The following CPXM2 variants were observed in gnomAD, a reference collection of about 807,000 sequenced individuals.
The protein encoded by CPXM2 is carboxypeptidase X, M14 family member 2.
A neutral mutation model predicts 86.1 loss-of-function variants in CPXM2; 66 were observed. The observed-to-expected ratio is 0.77, with a 90% confidence interval of 0.63 to 0.94. The LOEUF (loss-of-function observed/expected upper bound fraction) is 0.94, where lower values mean the gene tolerates loss of function less well. CPXM2 is among the 40% of genes least tolerant of loss of function. CPXM2 has a pLI of 0.00. For missense variants in CPXM2, 948 were observed against 1,026.3 expected, an observed-to-expected ratio of 0.92 and a Z score of 1.04; for synonymous variants, 388 against 400.2, an observed-to-expected ratio of 0.97 and a Z score of 0.36.
intron 3 of CPXM2, among the ~76,000 whole-genome samples, chr10:123,855,093 G>A (rs1848691451): frequency 6.6e-6 from 1 of 151,254 alleles, no homozygotes; most frequent in Non-Finnish European, 1.5e-5. Context: ...ATTTCTCCAA[G>A]GGAGTCACAA....
intron 2 of CPXM2, among the ~76,000 whole-genome samples, chr10:123,864,366 C>T (rs891224859): frequency 1.3e-5 from 2 of 152,200 alleles, no homozygotes; most frequent in African/African-American, 4.8e-5. Flanking sequence ...ACTCTGCCAG[C>T]TGTGGTTTCA....
intron 2 of CPXM2, among the ~76,000 whole-genome samples, chr10:123,867,852 A>C (rs1030008693): frequency 6.6e-6 from 1 of 152,154 alleles, no homozygotes; most frequent in Admixed American, 6.6e-5. Context: ...GATTTTTGAC[A>C]GGTCTACTCA....
chr10:123,824,600 G>A (rs1276720005), intron 4 of CPXM2, among the ~76,000 whole-genome samples: 2 of 152,188 alleles, frequency 1.3e-5, no homozygotes, highest in African/African-American at 4.8e-5. Flanking sequence ...GAGATTTGCT[G>A]CAGTCAACCT....
chr10:123,771,291 C>A (rs939369922), intron 7 of CPXM2, among the ~76,000 whole-genome samples: 2 of 152,134 alleles, frequency 1.3e-5, no homozygotes, highest in South Asian at 4.1e-4. Context: ...TGGCCATTGC[C>A]CCCACCCGGT....
Position 123,746,383 on chromosome 10 carries a change from G to A in CPXM2, c.*381C>T. The A allele has an allele frequency of 4.4e-6, 1 of 227,784 alleles. No individual in the cohort carries two copies. The highest frequency in any genetic ancestry group is 8.6e-6 in the Non-Finnish European group (1 of 116,478). The allele number at this position is 227,784 out of a possible 1,614,324, so 14.1% of individuals were successfully genotyped here. A position where few individuals can be genotyped will look rare whatever the true frequency, so the allele number is the denominator to read the frequency against. On this transcript the variant is annotated 3_prime_UTR_variant, in exon 14 of 14. Coordinates refer to ENST00000241305, the MANE Select transcript of CPXM2 (RefSeq NM_198148.3). ...TGCTGCAATTTTAGCTGTGCAAATT[G>A]CAAATGCACGTGGAACCCTTGCTGC...
chr10:123,804,094 C>T (rs891896637), intron 4 of CPXM2, among the ~76,000 whole-genome samples: 1 of 152,136 alleles, frequency 6.6e-6, no homozygotes, highest in Non-Finnish European at 1.5e-5. Flanking sequence ...TCTGGATGCT[C>T]TATTCTGTTC....
intron 3 of CPXM2, among the ~76,000 whole-genome samples, chr10:123,858,423 G>A (rs1848788734): frequency 6.6e-6 from 1 of 152,244 alleles, no homozygotes; most frequent in Admixed American, 6.5e-5. Context: ...TGTCAGAAAA[G>A]AGAGATGTAC....
chr10:123,918,697 T>A (rs1490287827), intron 2 of CPXM2, among the ~76,000 whole-genome samples: 1 of 152,124 alleles, frequency 6.6e-6, no homozygotes, highest in Non-Finnish European at 1.5e-5. Context: ...TCCAGCCCTG[T>A]CCCAAGGCAA....
intron 8 of CPXM2, 110 bp from the exon 9 acceptor site, chr10:123,768,832 T>C: frequency 2.2e-6 from 2 of 900,144 alleles, no homozygotes; most frequent in Non-Finnish European, 3.3e-6. Flanking sequence ...AAGCTTACCG[T>C]TTTAGACCTA....
intron 4 of CPXM2, among the ~76,000 whole-genome samples, chr10:123,840,844 G>A (rs2134151701): frequency 6.6e-6 from 1 of 152,304 alleles, no homozygotes; most frequent in South Asian, 2.1e-4. Context: ...TTAAATGTAA[G>A]CACAGATGCC....
chr10:123,797,972 T>C lies in CPXM2; in HGVS notation c.889+4A>G. The C allele has an allele frequency of 6.3e-7, 1 of 1,593,350 alleles. No homozygotes were observed. The highest frequency in any genetic ancestry group is 8.5e-7 in the Non-Finnish European group (1 of 1,170,294). ...CTGCAGGAAGCACAGGAGGGTGAAC[T>C]CACCTGGCAGTGGGCAGCCCAGGAT... On this transcript the variant is annotated splice_donor_region_variant and intron_variant, in intron 6 of 13. Coordinates refer to ENST00000241305, the MANE Select transcript of CPXM2 (RefSeq NM_198148.3).
At chr10:123,917,026 G>A (rs76587490) in intron 2 of CPXM2, among the ~76,000 whole-genome samples, 7,779 of 152,198 alleles carry the variant, frequency 0.051, 255 homozygotes, top group South Asian at 0.12. Context: ...GGGGGCAGAG[G>A]GGAAGCCAGG....
At chr10:123,943,155 T>C (rs9733306), upstream of CPXM2, among the ~76,000 whole-genome samples, 103,734 of 152,060 alleles carry the variant, frequency 0.68, 35,602 homozygotes, top group South Asian at 0.75. Context: ...TTAAGCAACG[T>C]ATGACTGTAT....
chr10:123,860,574 T>C (rs773018255), intron 3 of CPXM2, among the ~76,000 whole-genome samples: 2 of 152,190 alleles, frequency 1.3e-5, no homozygotes, highest in Non-Finnish European at 2.9e-5. Context: ...GTGAACACTT[T>C]CTCTTTTTCA....
rs1361555655 is a variant in CPXM2, at chr10:123,766,844, G to A, written c.1479+129C>T. 3 of 710,518 alleles carry A rather than the reference G, an allele frequency of 4.2e-6. No homozygotes were observed. The Admixed American group carries it at 7.3e-5, about 17-fold the overall frequency. The allele number at this position is 710,518 out of a possible 1,614,324, so 44.0% of individuals were successfully genotyped here. A position where few individuals can be genotyped will look rare whatever the true frequency, so the allele number is the denominator to read the frequency against. On this transcript the variant is annotated intron_variant, in intron 10 of 13. Coordinates refer to ENST00000241305, the MANE Select transcript of CPXM2 (RefSeq NM_198148.3). ...TAGTTATTATCTAGCATACTTCTCT[G>A]CTTTTGGAGAAAACATGAAAGAAAA...
At chr10:123,916,979 G>A (rs1945538617) in intron 2 of CPXM2, among the ~76,000 whole-genome samples, 1 of 152,070 alleles carries the variant, frequency 6.6e-6, no homozygotes, top group African/African-American at 2.4e-5. Context: ...TTGCTGGAGG[G>A]GGTGAGTAGG....
At chr10:123,942,444 T>A (rs1426531427), upstream of CPXM2, among the ~76,000 whole-genome samples, 1 of 152,198 alleles carries the variant, frequency 6.6e-6, no homozygotes, top group African/African-American at 2.4e-5. Flanking sequence ...AAAATCAAGA[T>A]AGCAACAGAA....
chr10:123,847,252 C>T (rs574138371), intron 3 of CPXM2, among the ~76,000 whole-genome samples: 10 of 152,246 alleles, frequency 6.6e-5, no homozygotes, highest in South Asian at 4.2e-4. Flanking sequence ...AGGCCAGGTG[C>T]GGTGGCTCAC....
intron 10 of CPXM2, among the ~76,000 whole-genome samples, chr10:123,766,021 G>A (rs2133996531): frequency 6.6e-6 from 1 of 152,342 alleles, no homozygotes; most frequent in East Asian, 1.9e-4. Flanking sequence ...CTGAATTCTG[G>A]CAGGTGAGAG....
Sources: allele counts gnomAD v4.1 joint callset (sites outside exome capture counted in the v4.1 genomes callset), GRCh38; gene constraint gnomAD v4.1.1; transcripts MANE v1.5; gene names NCBI Gene and HGNC (gene_info 2026-07-23, HGNC 2026-07-21).